Variants in EXOSC4 observed in about 807,000 individuals in gnomAD.
EXOSC4 encodes the protein exosome complex component RRP41.
EXOSC4 carries 14 observed loss-of-function variants against 20.0 expected under a neutral mutation model. The observed-to-expected ratio is 0.70, with a 90% CI of 0.46 to 1.09. The LOEUF is 1.09. EXOSC4 is among the 50% of genes least tolerant of loss of function. EXOSC4 has a pLI of 0.00. For missense variants in EXOSC4, 337 were observed against 334.0 expected (o/e 1.01, Z -0.07); for synonymous variants, 148 against 146.4 (o/e 1.01, Z -0.08).
the EXOSC4 span, among the ~76,000 whole-genome samples, chr8:144,068,888 C>T: frequency 1.3e-5 from 2 of 152,184 alleles, no homozygotes. Flanking sequence ...GGTCTCACTC[C>T]GGGAGAAGCA....
the EXOSC4 span, among the ~76,000 whole-genome samples, chr8:144,070,771 T>C: frequency 6.6e-6 from 1 of 151,538 alleles, no homozygotes; most frequent in Non-Finnish European, 1.5e-5. Context: ...GAAGTTGCAG[T>C]GAGCCGAGGT....
the EXOSC4 span, among the ~76,000 whole-genome samples, chr8:144,072,359 T>G: frequency 6.6e-6 from 1 of 152,182 alleles, no homozygotes; most frequent in Admixed American, 6.5e-5. Flanking sequence ...TTTTATATTT[T>G]TAGTAGAGAT....
At chr8:144,070,010 G>A in the EXOSC4 span, among the ~76,000 whole-genome samples, 8 of 152,250 alleles carry the variant, frequency 5.3e-5, no homozygotes, top group Non-Finnish European at 8.8e-5. Context: ...TGTTCCGCCC[G>A]GGCGTGCCCA....
the EXOSC4 span, among the ~76,000 whole-genome samples, chr8:144,069,244 C>G: frequency 6.6e-6 from 1 of 152,224 alleles, no homozygotes; most frequent in African/African-American, 2.4e-5. Context: ...GTTGGGTGTG[C>G]TGGCTGTCTA....
chr8:144,072,695 A>G, the EXOSC4 span, among the ~76,000 whole-genome samples: 109 of 152,332 alleles, frequency 7.2e-4, no homozygotes, highest in African/African-American at 2.2e-3. Flanking sequence ...ACTTAACATA[A>G]TAACCTCCAG....
At chr8:144,072,663 C>G in the EXOSC4 span, among the ~76,000 whole-genome samples, 1 of 152,188 alleles carries the variant, frequency 6.6e-6, no homozygotes, top group African/African-American at 2.4e-5. Context: ...CCATGTGTGT[C>G]TTTCTGTGCC....
the EXOSC4 span, among the ~76,000 whole-genome samples, chr8:144,071,527 G>A: frequency 5.4e-5 from 8 of 148,364 alleles, no homozygotes; most frequent in South Asian, 2.1e-4. Flanking sequence ...GGCTGATCTC[G>A]AACTCCTGAC....
rs1554763028 is a variant in EXOSC4 at position 144,078,702 on chromosome 8, A to G, written c.-27A>G. ...TCTCCCGCGGCTCAGAGAAGTAGGC[A>G]GAGAGCGGACCTGGCGGCCGGGCAG... On this transcript the variant is annotated 5_prime_UTR_variant, in exon 1 of 3. Transcript: ENST00000316052. This position sits in a 1 kb window ranked among gnomAD's most constrained non-coding sequence, Gnocchi z 4.7. The G allele has an allele frequency of 1.4e-6, 2 of 1,400,296 alleles. No individual in the cohort carries two copies. The highest frequency in any genetic ancestry group is 3.4e-5 in the Admixed American group (1 of 29,818). 86.7% of individuals were successfully genotyped at this position (1,400,296 alleles called of 1,614,324 possible).
intron 1 of EXOSC4, chr8:144,079,630 A>G (rs570877107): frequency 1.0e-5 from 5 of 490,816 alleles, no homozygotes; most frequent in African/African-American, 7.7e-5. Flanking sequence ...TTGGGATCTT[A>G]TTTCATATGT....
At chr8:144,067,530 TA>T in the EXOSC4 span, among the ~76,000 whole-genome samples, 1 of 151,914 alleles carries the variant, frequency 6.6e-6, no homozygotes, top group Non-Finnish European at 1.5e-5. Context: ...GTTAACAAGA[TA>T]AAAAAATGAT....
chr8:144,080,493 G>A lies in EXOSC4; in HGVS notation c.630G>A (p.Leu210=). The change falls in exon 3 of 3, where the codon CTG becomes CTA. Residue 210 remains leucine, a synonymous_variant. Coordinates refer to ENST00000316052, the MANE Select transcript of EXOSC4 (RefSeq NM_019037.3). The surrounding 1 kb of genome is among the most constrained non-coding windows in gnomAD (Gnocchi z 4.9). ...EMDARLHEDH[L]ERVLEAAAQA... ...ATGCCCGGCTGCACGAGGACCACCT[G>A]GAGCGGGTGTTGGAGGCTGCTGCCC... 6.2e-7 allele frequency: 1 copy of A among 1,606,724 alleles called. No individual in the cohort carries two copies. Among genetic ancestry groups the A allele is most frequent in the Non-Finnish European group, 8.5e-7 (1 of 1,180,000 alleles).
chr8:144,068,617 A>T, the EXOSC4 span, among the ~76,000 whole-genome samples: 2 of 152,224 alleles, frequency 1.3e-5, no homozygotes, highest in Non-Finnish European at 2.9e-5. Context: ...AAATTGACCA[A>T]GGGGCATACA....
chr8:144,067,377 A>C, the EXOSC4 span, among the ~76,000 whole-genome samples: 1 of 152,234 alleles, frequency 6.6e-6, no homozygotes, highest in Non-Finnish European at 1.5e-5. Flanking sequence ...AGTGGAAAGA[A>C]CTCAAAGCAT....
upstream of EXOSC4, among the ~76,000 whole-genome samples, chr8:144,073,911 T>A (rs906945200): frequency 8.6e-5 from 13 of 151,558 alleles, no homozygotes; most frequent in Non-Finnish European, 1.6e-4. Context: ...TGAGCTCATG[T>A]TCCTGGGACT....
chr8:144,066,141 C>T, the EXOSC4 span, among the ~76,000 whole-genome samples: 1 of 151,926 alleles, frequency 6.6e-6, no homozygotes, highest in Non-Finnish European at 1.5e-5. Flanking sequence ...CTCAGCCTCC[C>T]GAGTAGCTGG....
chr8:144,076,282 A>G (rs1835834891), upstream of EXOSC4, among the ~76,000 whole-genome samples: 1 of 152,192 alleles, frequency 6.6e-6, no homozygotes, highest in African/African-American at 2.4e-5. Context: ...TTCCTGTGGA[A>G]TTCATCCCAT....
upstream of EXOSC4, chr8:144,078,654 T>C: frequency 1.5e-6 from 2 of 1,333,404 alleles, no homozygotes; most frequent in South Asian, 1.9e-5. The surrounding 1 kb of genome is among the most constrained non-coding windows in gnomAD (Gnocchi z 4.7). Context: ...TTCCGGGCGG[T>C]CGGAGCCGCC....
chr8:144,076,230 G>A (rs187033512), upstream of EXOSC4, among the ~76,000 whole-genome samples: 54 of 152,316 alleles, frequency 3.5e-4, 1 homozygote, highest in African/African-American at 1.1e-3. Flanking sequence ...GCTTCTTCCC[G>A]TGGAGTCCAC....
chr8:144,068,484 T>C, the EXOSC4 span, among the ~76,000 whole-genome samples: 2 of 152,176 alleles, frequency 1.3e-5, no homozygotes, highest in African/African-American at 4.8e-5. Flanking sequence ...TCTCATGCTG[T>C]GGAATCTGAC....
Sources: gnomAD v4.1 joint callset for allele counts (sites outside exome capture counted in the v4.1 genomes callset) on GRCh38, gnomAD v4.1.1 for gene constraint, Gnocchi (gnomAD v3.1) non-coding constraint, MANE v1.5 for transcripts, NCBI Gene and HGNC (gene_info 2026-07-23, HGNC 2026-07-21) for gene names.